USP28: variants seen among roughly 807,000 people sequenced by gnomAD.
USP28 encodes ubiquitin carboxyl-terminal hydrolase 28.
USP28 carries 113 observed loss-of-function variants against 145.0 expected under a neutral mutation model. That is an observed-to-expected ratio of 0.78 (90% confidence interval 0.67 to 0.91). USP28 has a LOEUF of 0.91. Among genes scored for constraint, USP28 ranks in the 40% least tolerant of loss-of-function variants. The probability of loss-of-function intolerance (pLI) is 0.00; values close to 1 mark genes in which losing one functional copy is unlikely to be tolerated. For missense variants in USP28, 1,201 were observed against 1,289.6 expected (o/e 0.93, Z 1.05); for synonymous variants, 447 against 450.9 (o/e 0.99, Z 0.11).
chr11:113,831,121 G>C (rs535268271), intron 8 of USP28, 178 bp from the exon 9 acceptor site: 2 of 616,992 alleles, frequency 3.2e-6, no homozygotes, highest in Non-Finnish European at 2.9e-6. Context: ...ACCTTCTTTC[G>C]AGCATTGTGC....
intron 8 of USP28, 65 bp downstream of exon 8, chr11:113,831,855 A>G (rs562642578): frequency 6.7e-7 from 1 of 1,498,394 alleles, no homozygotes; most frequent in African/African-American, 1.4e-5. Flanking sequence ...GTAACTTTCC[A>G]GCATATAATT....
chr11:113,841,460 G>A (rs1739159845), intron 4 of USP28, among the ~76,000 whole-genome samples: 1 of 152,162 alleles, frequency 6.6e-6, no homozygotes, highest in African/African-American at 2.4e-5. Flanking sequence ...TCTACTCAAA[G>A]ACACACGATG....
intron 14 of USP28, 95 bp from the exon 15 acceptor site, chr11:113,814,050 C>G: frequency 1.1e-6 from 1 of 881,010 alleles, no homozygotes; most frequent in East Asian, 2.6e-5. Context: ...TGCTAGGGTC[C>G]TAATGATTTC....
intron 16 of USP28, among the ~76,000 whole-genome samples, chr11:113,809,732 G>T (rs1237990494): frequency 6.6e-6 from 1 of 152,124 alleles, no homozygotes; most frequent in Non-Finnish European, 1.5e-5. Flanking sequence ...ATAACACAGA[G>T]TTAAAGATAT....
intron 11 of USP28, among the ~76,000 whole-genome samples, chr11:113,825,031 C>G (rs1009750764): frequency 6.6e-6 from 1 of 151,000 alleles, no homozygotes; most frequent in African/African-American, 2.4e-5. Flanking sequence ...TAGAAACTGA[C>G]AAGCTGATAA....
exon 13 of USP28, chr11:113,817,767 C>T (rs1565367642): frequency 6.2e-7 from 1 of 1,614,180 alleles, no homozygotes; most frequent in East Asian, 2.2e-5. Flanking sequence ...TTTGTACTAG[C>T]AAATTCAATA....
At chr11:113,874,633 G>T in intron 1 of USP28, 1 of 1,285,326 alleles carries the variant, frequency 7.8e-7, no homozygotes, top group Non-Finnish European at 1.0e-6. Flanking sequence ...AGTACTTGAG[G>T]GGTGAGGAGG....
chr11:113,855,978 T>A (rs941867356), intron 1 of USP28, among the ~76,000 whole-genome samples: 1 of 152,148 alleles, frequency 6.6e-6, no homozygotes, highest in Non-Finnish European at 1.5e-5. Context: ...CAGACTATAG[T>A]CATAGGCTAC....
chr11:113,861,547 A>ATTAT (rs1947697794), intron 1 of USP28, among the ~76,000 whole-genome samples: 1 of 152,224 alleles, frequency 6.6e-6, no homozygotes, highest in Admixed American at 6.5e-5. Context: ...GGAATTAATC[A>ATTAT]TTATTTACTT....
intron 5 of USP28, 37 bp from the exon 6 acceptor site, chr11:113,834,372 T>A (rs1362991898): frequency 2.9e-6 from 4 of 1,403,080 alleles, no homozygotes. Flanking sequence ...TAGCCTTTCC[T>A]GAAAATAACT....
intron 24 of USP28, among the ~76,000 whole-genome samples, chr11:113,801,014 T>C (rs1938914938): frequency 6.6e-6 from 1 of 152,082 alleles, no homozygotes; most frequent in South Asian, 2.1e-4. Context: ...AGCTAATTTT[T>C]GTATTTTTAG....
chr11:113,853,129 C>A (rs1429342698), intron 2 of USP28, among the ~76,000 whole-genome samples: 2 of 151,914 alleles, frequency 1.3e-5, no homozygotes, highest in East Asian at 3.9e-4. Flanking sequence ...TTGGCAAAAC[C>A]CCATCCCTAC....
chr11:113,799,192 A>G, exon 25 of USP28: 1 of 1,580,036 alleles, frequency 6.3e-7, no homozygotes. Context: ...ACTTCTGTGC[A>G]AGAGGCAGGC....
intron 5 of USP28, among the ~76,000 whole-genome samples, chr11:113,836,188 C>T (rs897659244): frequency 4.6e-5 from 7 of 152,140 alleles, no homozygotes; most frequent in East Asian, 1.9e-4. Context: ...GTGTTTTCTG[C>T]GTCACTTCAT....
intron 1 of USP28, among the ~76,000 whole-genome samples, chr11:113,867,913 GT>G (rs949758344): frequency 3.9e-5 from 6 of 152,102 alleles, no homozygotes; most frequent in African/African-American, 1.4e-4. Flanking sequence ...AGAAAATGTT[GT>G]TTAGAAAATC....
rs778295743 is a variant in USP28, at chr11:113,874,423, GAAAAAAA to G, written c.57+1015_57+1021del. 2.8e-3 allele frequency: 1,166 copies of G among 413,900 alleles called. 1 individual carries two copies. The highest frequency in any genetic ancestry group is 3.3e-3 in the Middle Eastern group (3 of 920). 25.6% of individuals were successfully genotyped at this position (413,900 alleles called of 1,614,324 possible). On this transcript the variant is annotated intron_variant, in intron 1 of 24. Coordinates refer to ENST00000003302, the Ensembl canonical transcript of USP28. ...CTAGGCAACAGAGGGAGACTCTGTC[GAAAAAAA>G]AAAAAAAAAAAAAAAAAAAGTGTCT...
intron 1 of USP28, among the ~76,000 whole-genome samples, chr11:113,856,938 G>C (rs1947110794): frequency 6.6e-6 from 1 of 152,116 alleles, no homozygotes; most frequent in Non-Finnish European, 1.5e-5. Context: ...AAATCTGCTT[G>C]TCCTTATACA....
chr11:113,855,403 G>C (rs1227540705), intron 1 of USP28, among the ~76,000 whole-genome samples: 1 of 152,124 alleles, frequency 6.6e-6, no homozygotes, highest in Admixed American at 6.6e-5. Context: ...GATGAATGTT[G>C]AAAACAAAGT....
intron 13 of USP28, among the ~76,000 whole-genome samples, chr11:113,816,449 G>A (rs1487791281): frequency 6.6e-6 from 1 of 152,120 alleles, no homozygotes; most frequent in African/African-American, 2.4e-5. Flanking sequence ...GAAGGCGGAG[G>A]TTGCAGTGAG....
Sources: gnomAD v4.1 joint callset for allele counts (sites outside exome capture counted in the v4.1 genomes callset) on GRCh38, gnomAD v4.1.1 for gene constraint, MANE v1.5 for transcripts, NCBI Gene and HGNC (gene_info 2026-07-23, HGNC 2026-07-21) for gene names.